YWHAQ: variants seen among roughly 807,000 people sequenced by gnomAD.
YWHAQ encodes the protein 14-3-3 protein theta.
Under a neutral mutation model 28.3 loss-of-function variants are expected in YWHAQ, and 6 were observed. The ratio of observed to expected loss-of-function variants is 0.21; its 90% CI spans 0.12 to 0.42. The LOEUF (loss-of-function observed/expected upper bound fraction) is 0.42. YWHAQ is among the 10% of genes least tolerant of loss of function. The pLI is 1.00. For missense variants in YWHAQ, 201 were observed against 305.6 expected, an observed-to-expected ratio of 0.66 and a Z score of 2.55; for synonymous variants, 143 against 119.1, an observed-to-expected ratio of 1.20 and a Z score of -1.31.
rs537900235 is a variant in YWHAQ at position 9,588,075 on chromosome 2, G to A, written c.582+90C>T. On this transcript the variant is annotated intron_variant, in intron 4 of 5. Coordinates refer to ENST00000238081, the MANE Select transcript of YWHAQ (RefSeq NM_006826.4). ...AATAAATATAGTAGAAATCATCCCT[G>A]GGTATCCAAGTAAAATACCTATAAA... 1.5e-4 allele frequency: 205 copies of A among 1,401,534 alleles called. No homozygotes were observed. In the East Asian group the frequency reaches 4.9e-3, roughly 34 times the overall value. The allele number at this position is 1,401,534 out of a possible 1,614,324, so 86.8% of individuals were successfully genotyped here.
intron 2 of YWHAQ, 30 bp from the exon 3 acceptor site, chr2:9,591,545 C>T: frequency 1.3e-6 from 2 of 1,587,612 alleles, no homozygotes; most frequent in Middle Eastern, 1.7e-4. Context: ...ACATTAGGCA[C>T]TAAACTTCTG....
chr2:9,586,194 CA>C (rs1334061402), intron 5 of YWHAQ, among the ~76,000 whole-genome samples: 1 of 152,164 alleles, frequency 6.6e-6, no homozygotes, highest in Non-Finnish European at 1.5e-5. Flanking sequence ...TACAGGGAAG[CA>C]ATGTGTGCAT....
At chr2:9,612,613 G>T (rs937604950) in intron 2 of YWHAQ, among the ~76,000 whole-genome samples, 2 of 152,194 alleles carry the variant, frequency 1.3e-5, no homozygotes, top group African/African-American at 4.8e-5. Context: ...TAGGAGGAGT[G>T]TGGAGCAACA....
chr2:9,593,923 T>TATATATATACAC (rs377495113), intron 2 of YWHAQ, among the ~76,000 whole-genome samples: 5 of 135,152 alleles, frequency 3.7e-5, no homozygotes, highest in African/African-American at 1.5e-4. Flanking sequence ...TATATATATA[T>TATATATATACAC]ACACACACAC....
At chr2:9,588,482 T>G (rs1334973108) in intron 3 of YWHAQ, among the ~76,000 whole-genome samples, 154 bp from the exon 4 acceptor site, 1 of 152,138 alleles carries the variant, frequency 6.6e-6, no homozygotes, top group East Asian at 1.9e-4. Flanking sequence ...ACAAAAAACA[T>G]TATCGTGGCC....
In YWHAQ at chr2:9,588,332, T is replaced by C. The variant is rs752439118; in HGVS notation, c.419-4A>G. 1.2e-6 allele frequency: 2 copies of C among 1,604,400 alleles called. No individual in the cohort carries two copies. The highest frequency in any genetic ancestry group is 2.3e-5 in the South Asian group (2 of 88,880). Reference sequence around the variant, plus strand: ...CCTTGGGAATTATCTATCGTTTCTGTGAAGAGCGAAAAATAAGAAGTGCAA... The same window carrying C: ...CCTTGGGAATTATCTATCGTTTCTGCGAAGAGCGAAAAATAAGAAGTGCAA... On this transcript the variant is annotated splice_polypyrimidine_tract_variant and splice_region_variant and intron_variant, in intron 3 of 5. Coordinates refer to ENST00000238081, the MANE Select transcript of YWHAQ (RefSeq NM_006826.4).
In YWHAQ at chr2:9,630,124, A is replaced by G. The variant is rs1230487144; in HGVS notation, c.294+35T>C. The G allele has an allele frequency of 3.8e-6, 6 of 1,584,532 alleles. No individual in the cohort carries two copies. The highest frequency in any genetic ancestry group is 5.2e-6 in the Non-Finnish European group (6 of 1,161,788). ...AACTCTCAATGAAAAGCATCTCACA[A>G]AAGGCCTCCCCTGCTCCCCGCGCCG... On this transcript the variant is annotated intron_variant, in intron 2 of 5. Transcript: ENST00000238081. This position sits in a 1 kb window ranked among gnomAD's most constrained non-coding sequence, Gnocchi z 5.6.
In YWHAQ at chr2:9,630,064, C is replaced by A; in HGVS notation, c.294+95G>T. 6.6e-7 allele frequency: 1 copy of A among 1,510,070 alleles called. No homozygotes were observed. Among genetic ancestry groups the A allele is most frequent in the Non-Finnish European group, 9.0e-7 (1 of 1,115,808 alleles). 93.5% of individuals were successfully genotyped at this position (1,510,070 alleles called of 1,614,324 possible). ...CCCTCCACCCCAGCAGACAGTCCGGCAAGCCCCGGCTCACGTTTGTTTCCG... is the reference window on the plus strand; with the variant it reads ...CCCTCCACCCCAGCAGACAGTCCGGAAAGCCCCGGCTCACGTTTGTTTCCG... On this transcript the variant is annotated intron_variant, in intron 2 of 5. Transcript: ENST00000238081. The surrounding 1 kb of genome is among the most constrained non-coding windows in gnomAD (Gnocchi z 5.6).
At chr2:9,619,281 T>C (rs1457412847) in intron 2 of YWHAQ, among the ~76,000 whole-genome samples, 1 of 152,198 alleles carries the variant, frequency 6.6e-6, no homozygotes, top group East Asian at 1.9e-4. Flanking sequence ...TCCAGAGATG[T>C]ACAGCTGATC....
At chr2:9,586,202 G>A (rs1666340808) in intron 5 of YWHAQ, among the ~76,000 whole-genome samples, 1 of 152,196 alleles carries the variant, frequency 6.6e-6, no homozygotes, top group South Asian at 2.1e-4. Flanking sequence ...AGCAATGTGT[G>A]CATGTATAGA....
At position 9,588,297 on chromosome 2, in the gene YWHAQ, T is replaced by C. The variant is rs761844291; in HGVS notation, c.450A>G (p.Gln150=). Residue 150 remains glutamine (Q), a synonymous_variant, in exon 4 of 6, where the codon CAA becomes CAG. Transcript: ENST00000238081. ...CTTTCTTGCTTATATCAAATGCCTC[T>C]TGGTAAGCTCCTTGGGAATTATCTA... ...QTIDNSQGAY[Q]EAFDISKKEM... is the part of the protein sequence containing the mutation. 7.5e-6 allele frequency: 12 copies of C among 1,609,312 alleles called. No individual in the cohort carries two copies. The highest frequency in any genetic ancestry group is 3.3e-5 in the South Asian group (3 of 89,910).
intron 2 of YWHAQ, among the ~76,000 whole-genome samples, chr2:9,625,320 A>G (rs1667229809): frequency 6.6e-6 from 1 of 151,978 alleles, no homozygotes; most frequent in Non-Finnish European, 1.5e-5. Context: ...CTACAATCTA[A>G]GGGCAAAACC....
intron 2 of YWHAQ, among the ~76,000 whole-genome samples, chr2:9,596,836 TG>T (rs1666581047): frequency 6.6e-6 from 1 of 152,056 alleles, no homozygotes; most frequent in Non-Finnish European, 1.5e-5. Context: ...CCCAAGTAAC[TG>T]GGATAGGGTT....
At chr2:9,593,366 G>A (rs1308854830) in intron 2 of YWHAQ, among the ~76,000 whole-genome samples, 1 of 149,110 alleles carries the variant, frequency 6.7e-6, no homozygotes. Context: ...ACACCACCAC[G>A]CCCAGCTTAC....
At chr2:9,590,316 A>C (rs1666431236) in intron 3 of YWHAQ, among the ~76,000 whole-genome samples, 1 of 152,224 alleles carries the variant, frequency 6.6e-6, no homozygotes, top group South Asian at 2.1e-4. Flanking sequence ...CATCAGTAAC[A>C]GAATAAGTAA....
At chr2:9,592,167 T>C (rs1021482773) in intron 2 of YWHAQ, among the ~76,000 whole-genome samples, 9 of 152,210 alleles carry the variant, frequency 5.9e-5, no homozygotes, top group African/African-American at 2.2e-4. Flanking sequence ...CAAGTATCCA[T>C]CTAAAATGAG....
At chr2:9,620,684 T>C (rs1056399756) in intron 2 of YWHAQ, 2 of 152,208 alleles carry the variant, frequency 1.3e-5, no homozygotes, top group Non-Finnish European at 2.9e-5. Context: ...GGACTTTTAT[T>C]ACCCAATGTC....
chr2:9,621,654 T>C (rs1175751613), intron 2 of YWHAQ, among the ~76,000 whole-genome samples: 2 of 152,180 alleles, frequency 1.3e-5, no homozygotes, highest in Non-Finnish European at 2.9e-5. Flanking sequence ...GTACATTTGC[T>C]GAGTTTTGAC....
At chr2:9,596,161 G>A (rs1666566513) in intron 2 of YWHAQ, among the ~76,000 whole-genome samples, 1 of 152,030 alleles carries the variant, frequency 6.6e-6, no homozygotes, top group South Asian at 2.1e-4. Context: ...AAATGAAACT[G>A]TTGAGAAATA....
Sources: allele counts gnomAD v4.1 joint callset (sites outside exome capture counted in the v4.1 genomes callset), GRCh38; gene constraint gnomAD v4.1.1; non-coding constraint Gnocchi (gnomAD v3.1); transcripts MANE v1.5; gene names NCBI Gene and HGNC (gene_info 2026-07-23, HGNC 2026-07-21).